The following TBKBP1 variants were observed in gnomAD, a reference collection of about 807,000 sequenced individuals.
TBKBP1 encodes TANK-binding kinase 1-binding protein 1.
A neutral mutation model predicts 69.9 loss-of-function variants in TBKBP1; 47 were observed. The ratio of observed to expected loss-of-function variants is 0.67; its 90% CI spans 0.53 to 0.86. TBKBP1 has a LOEUF of 0.86. TBKBP1 is among the 40% of genes least tolerant of loss of function. The pLI is 0.00. For synonymous variants in TBKBP1, 418 were observed against 390.3 expected, an observed-to-expected ratio of 1.07 and a Z score of -0.84; for missense variants, 831 against 858.6, an observed-to-expected ratio of 0.97 and a Z score of 0.40.
chr17:47,708,984 G>C lies in TBKBP1; in HGVS notation c.1251G>C (p.Val417=). 5.3e-6 allele frequency: 6 copies of C among 1,125,982 alleles called. No individual in the cohort carries two copies. The highest frequency in any genetic ancestry group is 6.5e-6 in the Non-Finnish European group (6 of 921,312). 69.7% of individuals were successfully genotyped at this position (1,125,982 alleles called of 1,614,324 possible). A position where few individuals can be genotyped will look rare whatever the true frequency, so the allele number is the denominator to read the frequency against. The change falls in exon 9 of 10, where the codon GTG becomes GTC. Residue 417 remains valine (V), a synonymous_variant. Transcript: ENST00000578982. This position sits in a 1 kb window ranked among gnomAD's most constrained non-coding sequence, Gnocchi z 4.4. ...QSPSPQRRSP[V]PPSCPAPQPR... is the part of the protein sequence containing the mutation. The stretch of plus-strand genomic sequence containing the variant: ...CCAGCCCGCAGCGCCGTTCCCCGGT[G>C]CCCCCCAGCTGCCCGGCCCCGCAGC...
Position 47,708,601 on chromosome 17 carries a change from C to T in TBKBP1, c.991+89C>T. On this transcript the variant is annotated intron_variant, in intron 8 of 9. Coordinates refer to ENST00000578982, the MANE Select transcript of TBKBP1 (RefSeq NM_001394755.1). This position sits in a 1 kb window ranked among gnomAD's most constrained non-coding sequence, Gnocchi z 4.4. The stretch of plus-strand genomic sequence containing the variant: ...AACCATCTTGGTCATGGGGACCACC[C>T]TTTATTTCCTTTCCTGTGGCCTGGA... 1.3e-6 allele frequency: 2 copies of T among 1,483,968 alleles called. No homozygotes were observed. The highest frequency in any genetic ancestry group is 9.2e-7 in the Non-Finnish European group (1 of 1,090,116). 91.9% of individuals were successfully genotyped at this position (1,483,968 alleles called of 1,614,324 possible).
At position 47,709,342 on chromosome 17, in the gene TBKBP1, G is replaced by A. The variant is rs1236721291; in HGVS notation, c.1609G>A (p.Val537Met). The A allele has an allele frequency of 6.5e-7, 1 of 1,528,102 alleles. No homozygotes were observed. 94.7% of individuals were successfully genotyped at this position (1,528,102 alleles called of 1,614,324 possible). ...AVPTSPPSPE[V>M]GTIRCASFCA... ...GCCCACCAGCCCGCCCAGCCCGGAG[G>A]TGGGCACCATCCGCTGCGCCTCCTT... The change falls in exon 9 of 10, where the codon GTG becomes ATG. Residue 537 changes from valine to methionine, a missense_variant. By Grantham distance (21) the Val-to-Met change is conservative (BLOSUM62 1). Transcript: ENST00000578982.
chr17:47,704,449 G>A (rs2031630265), intron 7 of TBKBP1, among the ~76,000 whole-genome samples: 1 of 152,204 alleles, frequency 6.6e-6, no homozygotes, highest in Admixed American at 6.5e-5. Flanking sequence ...GAAGACTGAT[G>A]CTGGGTGTGC....
chr17:47,709,307 A>C lies in TBKBP1; in HGVS notation c.1574A>C (p.Glu525Ala). Reference sequence around the variant, plus strand: ...GAGAAGCAGCCGTCGGAGGAGGACGAGTGGGCTGTGCCCACCAGCCCGCCC... The same window carrying C: ...GAGAAGCAGCCGTCGGAGGAGGACGCGTGGGCTGTGCCCACCAGCCCGCCC... ...RFEKQPSEED[E>A]WAVPTSPPSP... The change falls in exon 9 of 10, where the codon GAG becomes GCG. Residue 525 changes from glutamate to alanine, a missense_variant. By Grantham distance (107) the Glu-to-Ala change is moderately radical (BLOSUM62 -1). Coordinates refer to ENST00000578982, the MANE Select transcript of TBKBP1 (RefSeq NM_001394755.1). 6.5e-7 allele frequency: 1 copy of C among 1,529,566 alleles called. No homozygotes were observed. Among genetic ancestry groups the C allele is most frequent in the Non-Finnish European group, 8.7e-7 (1 of 1,145,736 alleles). The allele number at this position is 1,529,566 out of a possible 1,614,324, so 94.7% of individuals were successfully genotyped here.
intron 5 of TBKBP1, 23 bp from the exon 6 acceptor site, chr17:47,699,297 G>T: frequency 6.7e-7 from 1 of 1,501,716 alleles, no homozygotes. Flanking sequence ...GAGCTCGCCT[G>T]ACGTTGTCCT....
Position 47,708,357 on chromosome 17 carries a change from T to C in TBKBP1, c.873-37T>C, listed in dbSNP as rs2031768428. 6.2e-7 allele frequency: 1 copy of C among 1,608,344 alleles called. No homozygotes were observed. Among genetic ancestry groups the C allele is most frequent in the East Asian group, 2.2e-5 (1 of 44,846 alleles). On this transcript the variant is annotated intron_variant, in intron 7 of 9. Coordinates refer to ENST00000578982, the MANE Select transcript of TBKBP1 (RefSeq NM_001394755.1). This position sits in a 1 kb window ranked among gnomAD's most constrained non-coding sequence, Gnocchi z 4.4. ...TCCACAGCTGGGACGGTAGACCCAC[T>C]GCCCTTCTCGTCTTTCCCACTGCCC...
In TBKBP1 at chr17:47,698,861, C is replaced by T. The variant is rs926843153; in HGVS notation, c.634+86C>T. On this transcript the variant is annotated intron_variant, in intron 5 of 9. Transcript: ENST00000578982. ...GACACCTCGCACTTACTTACCATCC[C>T]ATTTGTAATATAATCTATTTCTCCA... The T allele has an allele frequency of 1.6e-4, 201 of 1,228,082 alleles. 3 individuals carry two copies. The South Asian group carries it at 2.5e-3, about 16-fold the overall frequency. 76.1% of individuals were successfully genotyped at this position (1,228,082 alleles called of 1,614,324 possible).
intron 1 of TBKBP1, among the ~76,000 whole-genome samples, chr17:47,695,037 A>G (rs940826832): frequency 6.6e-6 from 1 of 152,012 alleles, no homozygotes; most frequent in East Asian, 1.9e-4. Flanking sequence ...GCGCGCGCAC[A>G]CACCTCGGAC....
chr17:47,709,288 C>T lies in TBKBP1; in HGVS notation c.1555C>T (p.Gln519Ter). 3 of 1,525,844 alleles carry T rather than the reference C, an allele frequency of 2.0e-6. No individual in the cohort carries two copies. Among genetic ancestry groups the T allele is most frequent in the Non-Finnish European group, 2.6e-6 (3 of 1,144,710 alleles). 94.5% of individuals were successfully genotyped at this position (1,525,844 alleles called of 1,614,324 possible). A position where few individuals can be genotyped will look rare whatever the true frequency, so the allele number is the denominator to read the frequency against. ...GGGCATCCGGCTGCGCTTCGAGAAGCAGCCGTCGGAGGAGGACGAGTGGGC... is the reference window on the plus strand; with the variant it reads ...GGGCATCCGGCTGCGCTTCGAGAAGTAGCCGTCGGAGGAGGACGAGTGGGC... ...FEGIRLRFEK[Q>*]PSEEDEWAVP... Residue 519 changes from glutamine (Q) to a stop codon, truncating the protein, a stop_gained, in exon 9 of 10, where the codon CAG (glutamine) becomes TAG (stop). Coordinates refer to ENST00000578982, the MANE Select transcript of TBKBP1 (RefSeq NM_001394755.1). LOFTEE classifies it high-confidence loss of function.
Position 47,711,432 on chromosome 17 carries a change from C to T in TBKBP1, c.*806C>T, listed in dbSNP as rs1188506468. The T allele has an allele frequency of 2.6e-5, 4 of 152,720 alleles. No homozygotes were observed. The highest frequency in any genetic ancestry group is 5.9e-5 in the Non-Finnish European group (4 of 68,134). 9.5% of individuals were successfully genotyped at this position (152,720 alleles called of 1,614,324 possible). The stretch of plus-strand genomic sequence containing the variant: ...AGGCACAGATCGTCAAGGCAGGTAC[C>T]CCCTCAACCCTTCTTCCACTGGAGC... On this transcript the variant is annotated 3_prime_UTR_variant, in exon 10 of 10. Coordinates refer to ENST00000578982, the MANE Select transcript of TBKBP1 (RefSeq NM_001394755.1).
In TBKBP1 at chr17:47,710,763, C is replaced by A. The variant is rs903485814; in HGVS notation, c.*137C>A. On this transcript the variant is annotated 3_prime_UTR_variant, in exon 10 of 10. Coordinates refer to ENST00000578982, the MANE Select transcript of TBKBP1 (RefSeq NM_001394755.1). Reference sequence around the variant, plus strand: ...ATACCTCCACTTGCTACCGAGTCAACGTGTGTGCCATCTTCCCTGGTCCAG... The same window carrying A: ...ATACCTCCACTTGCTACCGAGTCAAAGTGTGTGCCATCTTCCCTGGTCCAG... 7.8e-7 allele frequency: 1 copy of A among 1,276,550 alleles called. No homozygotes were observed. Among genetic ancestry groups the A allele is most frequent in the African/African-American group, 1.5e-5 (1 of 67,636 alleles). 79.1% of individuals were successfully genotyped at this position (1,276,550 alleles called of 1,614,324 possible).
intron 1 of TBKBP1, among the ~76,000 whole-genome samples, chr17:47,695,012 G>A (rs989452851): frequency 3.9e-5 from 6 of 152,112 alleles, no homozygotes; most frequent in African/African-American, 1.4e-4. Flanking sequence ...TCTCCGGGGT[G>A]CACATAACGC....
rs552675936 is a variant in TBKBP1, at chr17:47,709,030, C to A, written c.1297C>A (p.Pro433Thr). 8.1e-7 allele frequency: 1 copy of A among 1,239,684 alleles called. No individual in the cohort carries two copies. The highest frequency in any genetic ancestry group is 1.0e-6 in the Non-Finnish European group (1 of 986,932). The allele number at this position is 1,239,684 out of a possible 1,614,324, so 76.8% of individuals were successfully genotyped here. A position where few individuals can be genotyped will look rare whatever the true frequency, so the allele number is the denominator to read the frequency against. The stretch of plus-strand genomic sequence containing the variant: ...GCAGCCCCGGCCACCGCCGCCGCCC[C>A]CGCCGGGCGAGAGGACGCTGGCCGA... Reference protein sequence around the residue: ...APQPRPPPPPPPGERTLAERA... With the variant: ...APQPRPPPPPTPGERTLAERA... Residue 433 changes from proline (P) to threonine (T), a missense_variant, in exon 9 of 10, where the codon CCG becomes ACG. Physicochemically the swap from Pro to Thr is conservative, Grantham distance 38 (BLOSUM62 -1). Coordinates refer to ENST00000578982, the MANE Select transcript of TBKBP1 (RefSeq NM_001394755.1).
chr17:47,710,445 G>T, intron 9 of TBKBP1, 53 bp from the exon 10 acceptor site: 1 of 1,577,740 alleles, frequency 6.3e-7, no homozygotes. Context: ...CTGGGATGTG[G>T]GGACCATGGG....
At chr17:47,696,631 T>TGGGTTGGGGGCACAGCC in intron 2 of TBKBP1, 80 bp from the exon 3 acceptor site, 2 of 1,602,948 alleles carry the variant, frequency 1.2e-6, no homozygotes, top group Non-Finnish European at 1.7e-6. Context: ...AGGCAGGTTG[T>TGGGTTGGGGGCACAGCC]GGGTTGGGGG....
chr17:47,697,291 C>A, intron 4 of TBKBP1, 98 bp downstream of exon 4: 1 of 1,023,920 alleles, frequency 9.8e-7, no homozygotes, highest in Non-Finnish European at 1.5e-6. Context: ...CAGCCTGTGA[C>A]AGTGCAGTCC....
At position 47,699,335 on chromosome 17, in the gene TBKBP1, C is replaced by T; in HGVS notation, c.650C>T (p.Ser217Phe). The change falls in exon 6 of 10, where the codon TCC (serine) becomes TTC (phenylalanine). Residue 217 changes from serine to phenylalanine, a missense_variant. Coordinates refer to ENST00000578982, the MANE Select transcript of TBKBP1 (RefSeq NM_001394755.1). ...SGLSHAGWPGSTPSVSDLERR... is the reference protein window; with the variant it reads ...SGLSHAGWPGFTPSVSDLERR... ...CCACCGACAGCAGGCTGGCCGGGCT[C>T]CACACCCAGTGTGAGTGACCTGGAG... The T allele has an allele frequency of 6.5e-7, 1 of 1,534,492 alleles. No individual in the cohort carries two copies. Among genetic ancestry groups the T allele is most frequent in the Non-Finnish European group, 8.7e-7 (1 of 1,146,190 alleles).
At position 47,697,092 on chromosome 17, in the gene TBKBP1, C is replaced by T; in HGVS notation, c.352C>T (p.Gln118Ter). ...QRLNQFQHEL[Q>*]KNKEQEEQLG... is the part of the protein sequence containing the mutation. ...GGGCCCTCTGGGCCTCATCCAGTTA[C>T]AGAAGAACAAGGAGCAGGAAGAACA... is the stretch of plus-strand genomic sequence containing the variant. Residue 118 changes from glutamine to a stop codon, truncating the protein, a stop_gained, in exon 4 of 10, where the codon CAG (glutamine) becomes TAG (stop). Transcript: ENST00000578982. LOFTEE classifies it high-confidence loss of function. The T allele has an allele frequency of 1.2e-6, 2 of 1,610,600 alleles. No individual in the cohort carries two copies. Among genetic ancestry groups the T allele is most frequent in the Non-Finnish European group, 1.7e-6 (2 of 1,178,440 alleles).
intron 4 of TBKBP1, among the ~76,000 whole-genome samples, chr17:47,697,777 CTACAAAAAA>C (rs1341853993): frequency 6.6e-6 from 1 of 151,760 alleles, no homozygotes; most frequent in Non-Finnish European, 1.5e-5. Flanking sequence ...AACCCCATCT[CTACAAAAAA>C]TACAAAAAAG....
Sources: gnomAD v4.1 joint callset for allele counts (sites outside exome capture counted in the v4.1 genomes callset) on GRCh38, gnomAD v4.1.1 for gene constraint, Gnocchi (gnomAD v3.1) non-coding constraint, MANE v1.5 for transcripts, NCBI Gene and HGNC (gene_info 2026-07-23, HGNC 2026-07-21) for gene names.